CLSTN2: variants seen among roughly 807,000 people sequenced by gnomAD.
CLSTN2 encodes calsyntenin 2.
A neutral mutation model predicts 101.2 loss-of-function variants in CLSTN2; 48 were observed. The observed-to-expected ratio is 0.47, with a 90% confidence interval of 0.38 to 0.60. CLSTN2 has a LOEUF of 0.60. Among genes scored for constraint, CLSTN2 ranks in the 20% least tolerant of loss-of-function variants. CLSTN2 has a pLI of 0.00. For synonymous variants in CLSTN2, 481 were observed against 463.6 expected (o/e 1.04, Z -0.48); for missense variants, 1,160 against 1,238.2 (o/e 0.94, Z 0.95).
chr3:140,213,574 C>T (rs547947778), intron 2 of CLSTN2, among the ~76,000 whole-genome samples: 5 of 152,190 alleles, frequency 3.3e-5, no homozygotes, highest in African/African-American at 1.2e-4. Context: ...CCCAGAGCTG[C>T]CCAAGAAGCA....
intron 1 of CLSTN2, among the ~76,000 whole-genome samples, chr3:140,135,113 C>CATATATAT (rs1475480824): frequency 3.3e-4 from 17 of 52,070 alleles, no homozygotes; most frequent in African/African-American, 2.0e-3. Context: ...CACACACACA[C>CATATATAT]ACACATATAT....
At chr3:140,163,713 G>T (rs949079840) in intron 1 of CLSTN2, among the ~76,000 whole-genome samples, 16 of 150,940 alleles carry the variant, frequency 1.1e-4, no homozygotes, top group Admixed American at 5.3e-4. Flanking sequence ...CCGTGGCCTT[G>T]CTTGTATGAG....
chr3:140,261,663 T>G (rs1429711586), intron 2 of CLSTN2, among the ~76,000 whole-genome samples: 1 of 150,406 alleles, frequency 6.6e-6, no homozygotes, highest in Admixed American at 6.6e-5. Context: ...ATGTTTACTA[T>G]GTATACTAGC....
intron 1 of CLSTN2, among the ~76,000 whole-genome samples, chr3:140,037,122 A>T (rs1279703766): frequency 6.6e-6 from 1 of 152,202 alleles, no homozygotes; most frequent in Non-Finnish European, 1.5e-5. Flanking sequence ...CATCAAGGAC[A>T]CTTTTAAACC....
Position 140,383,265 on chromosome 3 carries a change from G to T in CLSTN2, c.233-20364G>T, listed in dbSNP as rs116194575. Reference sequence around the variant, plus strand: ...ACCCAGCTTCTCTTCATAAGGGGATGTCACCTTAAAGCACAGAGATGTGGT... The same window carrying T: ...ACCCAGCTTCTCTTCATAAGGGGATTTCACCTTAAAGCACAGAGATGTGGT... On this transcript the variant is annotated intron_variant, in intron 2 of 16. Coordinates refer to ENST00000458420, the MANE Select transcript of CLSTN2 (RefSeq NM_022131.3). 7.0e-3 allele frequency among the ~76,000 whole-genome samples: 1,068 copies of T among 152,304 alleles called. 9 individuals are homozygous for T. The highest frequency in any genetic ancestry group is 0.011 in the Non-Finnish European group (763 of 68,024).
chr3:140,014,523 T>C (rs2007155994), intron 1 of CLSTN2, among the ~76,000 whole-genome samples: 1 of 152,036 alleles, frequency 6.6e-6, no homozygotes, highest in African/African-American at 2.4e-5. Flanking sequence ...CCAGCCAGGA[T>C]GCAATTTTAA....
intron 5 of CLSTN2, among the ~76,000 whole-genome samples, chr3:140,443,884 C>A (rs1288302113): frequency 6.6e-6 from 1 of 152,152 alleles, no homozygotes; most frequent in African/African-American, 2.4e-5. Context: ...AGCAGCTTTG[C>A]TAGATTCACA....
At chr3:140,407,793 T>A (rs929230228) in intron 4 of CLSTN2, among the ~76,000 whole-genome samples, 5 of 152,132 alleles carry the variant, frequency 3.3e-5, no homozygotes, top group Non-Finnish European at 7.3e-5. Context: ...TCCTAAAACA[T>A]AAAGAGCTAG....
At chr3:140,547,589 T>A (rs1935620760) in intron 10 of CLSTN2, among the ~76,000 whole-genome samples, 1 of 152,196 alleles carries the variant, frequency 6.6e-6, no homozygotes, top group Non-Finnish European at 1.5e-5. Context: ...CAAAGCTTCT[T>A]CTGACTGAAG....
chr3:140,311,140 CTACT>C (rs1056588520), intron 2 of CLSTN2, among the ~76,000 whole-genome samples: 1 of 151,946 alleles, frequency 6.6e-6, no homozygotes, highest in Admixed American at 6.6e-5. Flanking sequence ...TAGTAAGAGG[CTACT>C]TACTGAATTC....
At chr3:140,110,736 G>A (rs1189307470) in intron 1 of CLSTN2, among the ~76,000 whole-genome samples, 3 of 152,156 alleles carry the variant, frequency 2.0e-5, no homozygotes, top group Non-Finnish European at 4.4e-5. Flanking sequence ...TTCTAACTCA[G>A]CCCTGGCTTC....
intron 2 of CLSTN2, among the ~76,000 whole-genome samples, chr3:140,259,413 G>A (rs1158777109): frequency 2.0e-5 from 3 of 152,140 alleles, no homozygotes. Flanking sequence ...GGCAGAGGTT[G>A]CAATGAGCTG....
At chr3:140,446,271 G>C (rs1272680183) in intron 5 of CLSTN2, among the ~76,000 whole-genome samples, 1 of 152,134 alleles carries the variant, frequency 6.6e-6, no homozygotes, top group African/African-American at 2.4e-5. Context: ...TCCAGATACA[G>C]CTCCTAAAGA....
intron 2 of CLSTN2, among the ~76,000 whole-genome samples, chr3:140,187,899 C>T (rs184935864): frequency 6.6e-6 from 1 of 152,286 alleles, no homozygotes; most frequent in Admixed American, 6.5e-5. Flanking sequence ...ATTCCACCTG[C>T]TCCATATCAA....
intron 1 of CLSTN2, among the ~76,000 whole-genome samples, chr3:140,132,121 T>C (rs765435088): frequency 1.3e-5 from 2 of 152,168 alleles, no homozygotes; most frequent in African/African-American, 2.4e-5. Flanking sequence ...GCAATTATGA[T>C]ACATATCGCT....
intron 8 of CLSTN2, among the ~76,000 whole-genome samples, chr3:140,470,249 T>C (rs1933808106): frequency 6.6e-6 from 1 of 152,254 alleles, no homozygotes; most frequent in Non-Finnish European, 1.5e-5. Flanking sequence ...AGAGTCTCTG[T>C]TCTTTAGAAG....
At chr3:140,457,224 G>A (rs1036296778) in intron 6 of CLSTN2, among the ~76,000 whole-genome samples, 1 of 152,148 alleles carries the variant, frequency 6.6e-6, no homozygotes, top group Non-Finnish European at 1.5e-5. Context: ...AGATCATATT[G>A]GTCCCATTGG....
intron 1 of CLSTN2, among the ~76,000 whole-genome samples, chr3:139,942,450 G>C (rs909084030): frequency 1.3e-5 from 2 of 152,072 alleles, no homozygotes; most frequent in African/African-American, 4.8e-5. Flanking sequence ...TTATTCATTT[G>C]GGTTAAATAT....
At chr3:140,426,929 C>G (rs907116205) in intron 5 of CLSTN2, among the ~76,000 whole-genome samples, 8 of 151,988 alleles carry the variant, frequency 5.3e-5, no homozygotes, top group African/African-American at 1.9e-4. Flanking sequence ...AATCCTAGCA[C>G]TTTGGGAGGC....
Sources: allele counts gnomAD v4.1 joint callset (sites outside exome capture counted in the v4.1 genomes callset), GRCh38; gene constraint gnomAD v4.1.1; transcripts MANE v1.5; gene names NCBI Gene and HGNC (gene_info 2026-07-23, HGNC 2026-07-21).